Variants in CNTNAP2 observed in about 807,000 individuals in gnomAD.
CNTNAP2 encodes the protein contactin-associated protein-like 2.
A neutral mutation model predicts 155.2 loss-of-function variants in CNTNAP2; 98 were observed. The observed-to-expected ratio is 0.63, with a 90% CI of 0.54 to 0.75. The LOEUF (loss-of-function observed/expected upper bound fraction) is 0.75, where lower values mean the gene tolerates loss of function less well. Among genes scored for constraint, CNTNAP2 ranks in the 30% least tolerant of loss-of-function variants. CNTNAP2 has a pLI of 0.00. For missense variants in CNTNAP2, 1,727 were observed against 1,688.1 expected, an observed-to-expected ratio of 1.02 and a Z score of -0.40; for synonymous variants, 651 against 631.2, an observed-to-expected ratio of 1.03 and a Z score of -0.47.
intron 15 of CNTNAP2, among the ~76,000 whole-genome samples, chr7:148,083,128 T>G (rs143221677): frequency 1.7e-4 from 26 of 152,226 alleles, no homozygotes; most frequent in African/African-American, 6.3e-4. Flanking sequence ...ATGAAGAGGA[T>G]CTGCACCCTA....
At chr7:147,708,919 G>A (rs974038063) in intron 13 of CNTNAP2, among the ~76,000 whole-genome samples, 1 of 152,156 alleles carries the variant, frequency 6.6e-6, no homozygotes, top group Non-Finnish European at 1.5e-5. Flanking sequence ...CCTCTGCCAT[G>A]CAGTTAATAC....
At chr7:146,780,920 A>C (rs1802474724) in intron 2 of CNTNAP2, among the ~76,000 whole-genome samples, 1 of 151,952 alleles carries the variant, frequency 6.6e-6, no homozygotes, top group African/African-American at 2.4e-5. Flanking sequence ...TACCTAGTGC[A>C]TGTGGGGCTT....
intron 14 of CNTNAP2, among the ~76,000 whole-genome samples, chr7:147,960,120 A>G (rs1328851228): frequency 6.6e-6 from 1 of 152,144 alleles, no homozygotes; most frequent in Non-Finnish European, 1.5e-5. Context: ...AGCCCAGCAG[A>G]ACCATCAGAG....
At chr7:147,196,057 A>G (rs1404584308) in intron 8 of CNTNAP2, among the ~76,000 whole-genome samples, 1 of 152,210 alleles carries the variant, frequency 6.6e-6, no homozygotes, top group Non-Finnish European at 1.5e-5. Flanking sequence ...AAATTAGGAC[A>G]CAGACCCATA....
chr7:148,004,832 G>A (rs1203148954), intron 15 of CNTNAP2, among the ~76,000 whole-genome samples: 4 of 152,126 alleles, frequency 2.6e-5, no homozygotes, highest in African/African-American at 9.7e-5. Context: ...AAGAAAGGTG[G>A]AGTACCTGAC....
chr7:147,725,341 A>G (rs1401624337), intron 13 of CNTNAP2, among the ~76,000 whole-genome samples: 1 of 152,130 alleles, frequency 6.6e-6, no homozygotes, highest in Non-Finnish European at 1.5e-5. Context: ...GGAGGAATTA[A>G]TGTTATTTTC....
At chr7:148,053,886 T>C (rs1391560828) in intron 15 of CNTNAP2, among the ~76,000 whole-genome samples, 1 of 152,102 alleles carries the variant, frequency 6.6e-6, no homozygotes, top group Non-Finnish European at 1.5e-5. Context: ...TACTCTGTGA[T>C]GTATCGTTGC....
At chr7:147,823,018 A>G (rs1798386737) in intron 13 of CNTNAP2, among the ~76,000 whole-genome samples, 2 of 152,224 alleles carry the variant, frequency 1.3e-5, no homozygotes, top group African/African-American at 4.8e-5. Context: ...CTGGATAATA[A>G]AGCTTGCTTC....
chr7:148,272,869 T>C (rs1796806393), intron 21 of CNTNAP2, among the ~76,000 whole-genome samples: 1 of 152,172 alleles, frequency 6.6e-6, no homozygotes, highest in Non-Finnish European at 1.5e-5. Context: ...GTAAAGGAAA[T>C]GTCAGAAGAC....
chr7:147,178,139 T>G (rs1370166090), intron 8 of CNTNAP2, among the ~76,000 whole-genome samples: 1 of 152,176 alleles, frequency 6.6e-6, no homozygotes, highest in Non-Finnish European at 1.5e-5. Flanking sequence ...GCAGATATGC[T>G]TAAGATTACA....
intron 9 of CNTNAP2, among the ~76,000 whole-genome samples, chr7:147,317,447 T>C (rs1025237845): frequency 1.3e-5 from 2 of 152,218 alleles, no homozygotes; most frequent in African/African-American, 4.8e-5. Flanking sequence ...CACCCAGCCT[T>C]CTGCTTCTGT....
chr7:147,322,105 C>T (rs943438276), intron 9 of CNTNAP2, among the ~76,000 whole-genome samples: 1 of 152,156 alleles, frequency 6.6e-6, no homozygotes, highest in Non-Finnish European at 1.5e-5. Flanking sequence ...GATATTACAT[C>T]CAAGTTCTAG....
At chr7:146,954,004 C>T (rs1441274683) in intron 3 of CNTNAP2, among the ~76,000 whole-genome samples, 2 of 151,844 alleles carry the variant, frequency 1.3e-5, no homozygotes, top group Non-Finnish European at 2.9e-5. Flanking sequence ...ACTATTATTG[C>T]TTTGATACCA....
At chr7:147,917,584 G>A (rs150720797) in intron 14 of CNTNAP2, among the ~76,000 whole-genome samples, 264 of 152,260 alleles carry the variant, frequency 1.7e-3, no homozygotes, top group African/African-American at 6.0e-3. Context: ...TTCCATTTAC[G>A]TATCATTGGC....
intron 1 of CNTNAP2, among the ~76,000 whole-genome samples, chr7:146,165,267 T>A (rs1268060313): frequency 1.3e-5 from 2 of 152,182 alleles, no homozygotes; most frequent in Admixed American, 1.3e-4. Context: ...AATGTTTAAT[T>A]CAGCACAACT....
chr7:148,217,874 C>A (rs1795673733), intron 19 of CNTNAP2, among the ~76,000 whole-genome samples: 1 of 152,232 alleles, frequency 6.6e-6, no homozygotes, highest in African/African-American at 2.4e-5. Flanking sequence ...CCTGTAATCC[C>A]AGCACTTTGG....
chr7:147,202,637 A>G (rs535461368), intron 8 of CNTNAP2, among the ~76,000 whole-genome samples: 34 of 152,214 alleles, frequency 2.2e-4, no homozygotes, highest in African/African-American at 7.7e-4. Context: ...ATGAGTTCAC[A>G]TCCTTTGCAG....
rs532672032 is a variant in CNTNAP2, at chr7:146,132,684, C to T, written c.97+15711C>T. Among the ~76,000 whole-genome samples the T allele has an allele frequency of 3.9e-3, 585 of 151,308 alleles. 3 individuals carry two copies. The highest frequency in any genetic ancestry group is 5.8e-3 in the Non-Finnish European group (396 of 67,836). The stretch of plus-strand genomic sequence containing the variant: ...TGCGGTGTTTGGTTTTTTGTTCTTG[C>T]GATAGTTTACTGAGAATGTTTTCCA... On this transcript the variant is annotated intron_variant, in intron 1 of 23. Transcript: ENST00000361727.
chr7:147,125,043 G>T (rs1801205634), intron 6 of CNTNAP2, among the ~76,000 whole-genome samples: 1 of 151,862 alleles, frequency 6.6e-6, no homozygotes, highest in African/African-American at 2.4e-5. Flanking sequence ...ACTATGCCCG[G>T]CTATTTTTTT....
Sources: allele counts gnomAD v4.1 joint callset (sites outside exome capture counted in the v4.1 genomes callset), GRCh38; gene constraint gnomAD v4.1.1; transcripts MANE v1.5; gene names NCBI Gene and HGNC (gene_info 2026-07-23, HGNC 2026-07-21).